Variants in ARHGAP31 observed in about 807,000 individuals in gnomAD.
The protein encoded by ARHGAP31 is Rho GTPase activating protein 31, also known as rho GTPase-activating protein 31.
Under a neutral mutation model 113.9 loss-of-function variants are expected in ARHGAP31, and 34 were observed. The ratio of observed to expected loss-of-function variants is 0.30; its 90% CI spans 0.23 to 0.40. The LOEUF is 0.40. Among genes scored for constraint, ARHGAP31 ranks in the 10% least tolerant of loss-of-function variants. The probability of loss-of-function intolerance (pLI) is 1.00; values close to 1 mark genes in which losing one functional copy is unlikely to be tolerated. For missense variants in ARHGAP31, 1,548 were observed against 1,767.1 expected, an observed-to-expected ratio of 0.88 and a Z score of 2.22; for synonymous variants, 650 against 684.8, an observed-to-expected ratio of 0.95 and a Z score of 0.79.
chr3:119,337,874 A>G (rs911966346), intron 1 of ARHGAP31, among the ~76,000 whole-genome samples: 2 of 152,176 alleles, frequency 1.3e-5, no homozygotes, highest in African/African-American at 4.8e-5. Context: ...CTAGACAGAA[A>G]AGTTCTCCAA....
intron 1 of ARHGAP31, among the ~76,000 whole-genome samples, chr3:119,313,331 AATTT>A (rs2079699143): frequency 2.6e-5 from 4 of 152,200 alleles, no homozygotes; most frequent in Admixed American, 6.5e-5. Flanking sequence ...TTTAAACCAT[AATTT>A]ATTTCACCAT....
Position 119,391,597 on chromosome 3 carries a change from CT to C in ARHGAP31, c.881+615del, listed in dbSNP as rs200430046. ...TTGCCACCTGGGTCTCTACCCCCCCCTCCCCCCCGCCGTCACTCATATCCCA... is the reference window on the plus strand; with the variant it reads ...TTGCCACCTGGGTCTCTACCCCCCCCCCCCCCCGCCGTCACTCATATCCCA... On this transcript the variant is annotated intron_variant, in intron 7 of 11. Coordinates refer to ENST00000264245, the MANE Select transcript of ARHGAP31 (RefSeq NM_020754.4). Among the ~76,000 whole-genome samples the C allele has an allele frequency of 7.9e-3, 748 of 94,800 alleles. 3 individuals carry two copies. The highest frequency in any genetic ancestry group is 0.035 in the African/African-American group (641 of 18,402). 62.2% of individuals were successfully genotyped at this position (94,800 alleles called of 152,430 possible).
chr3:119,311,007 A>C (rs2079675550), intron 1 of ARHGAP31, among the ~76,000 whole-genome samples: 1 of 152,214 alleles, frequency 6.6e-6, no homozygotes, highest in African/African-American at 2.4e-5. Flanking sequence ...CAAGGCAGAA[A>C]GTGGTCAATG....
intron 10 of ARHGAP31, 67 bp from the exon 11 acceptor site, chr3:119,409,429 C>G: frequency 6.3e-7 from 1 of 1,580,346 alleles, no homozygotes; most frequent in Non-Finnish European, 8.7e-7. Context: ...AGGACAGTGA[C>G]TGTGTTGGGA....
chr3:119,352,838 ACAGT>A (rs1311325905), intron 1 of ARHGAP31, among the ~76,000 whole-genome samples: 1 of 152,218 alleles, frequency 6.6e-6, no homozygotes, highest in African/African-American at 2.4e-5. Context: ...ATCTTCCCAG[ACAGT>A]CAGTAAAAAT....
intron 5 of ARHGAP31, among the ~76,000 whole-genome samples, chr3:119,382,756 T>C (rs2080413034): frequency 6.6e-6 from 1 of 152,194 alleles, no homozygotes; most frequent in African/African-American, 2.4e-5. Flanking sequence ...TCCATATGAT[T>C]TCATAAATAA....
intron 1 of ARHGAP31, among the ~76,000 whole-genome samples, chr3:119,364,771 T>C (rs1181706332): frequency 2.0e-5 from 3 of 152,196 alleles, no homozygotes; most frequent in Non-Finnish European, 4.4e-5. Context: ...AATCTAAGTT[T>C]TTGAATATTT....
chr3:119,320,048 G>A (rs1339641504), intron 1 of ARHGAP31, among the ~76,000 whole-genome samples: 1 of 152,178 alleles, frequency 6.6e-6, no homozygotes, highest in African/African-American at 2.4e-5. Context: ...ACCCCACAGA[G>A]AGTCCTAGAT....
intron 1 of ARHGAP31, chr3:119,322,872 G>C (rs2079804652): frequency 6.5e-6 from 1 of 153,242 alleles, no homozygotes; most frequent in African/African-American, 2.4e-5. Flanking sequence ...AACTCGGCCC[G>C]GCCGCGGGGG....
chr3:119,415,698 A>G lies in ARHGAP31; in HGVS notation c.3769A>G (p.Ser1257Gly). ...AGATGATTCTCCCTCCTCCCTGGAA[A>G]GCTCAAAGGAAGAAAAACCAAAGCA... ...AKDDSPSSLE[S>G]SKEEKPKQDP... Residue 1257 changes from serine (S) to glycine (G), a missense_variant, in exon 12 of 12, where the codon AGC (serine) becomes GGC (glycine). Coordinates refer to ENST00000264245, the MANE Select transcript of ARHGAP31 (RefSeq NM_020754.4). 6.2e-7 allele frequency: 1 copy of G among 1,614,066 alleles called. No individual in the cohort carries two copies.
At chr3:119,344,666 G>A (rs1007827346) in intron 1 of ARHGAP31, among the ~76,000 whole-genome samples, 1 of 152,056 alleles carries the variant, frequency 6.6e-6, no homozygotes, top group African/African-American at 2.4e-5. Flanking sequence ...GTTTTGTTCT[G>A]TTGCCCAGGC....
At chr3:119,358,029 C>T (rs927312437) in intron 1 of ARHGAP31, among the ~76,000 whole-genome samples, 66 of 152,262 alleles carry the variant, frequency 4.3e-4, no homozygotes, top group African/African-American at 1.6e-3. Flanking sequence ...TTGGACTTCA[C>T]TGAAATGTAA....
At chr3:119,309,503 C>A (rs2079660080) in intron 1 of ARHGAP31, among the ~76,000 whole-genome samples, 1 of 152,076 alleles carries the variant, frequency 6.6e-6, no homozygotes, top group Admixed American at 6.5e-5. Context: ...ACCTGTAATT[C>A]CAGCACTTTG....
chr3:119,353,979 A>G (rs1380398121), intron 1 of ARHGAP31, among the ~76,000 whole-genome samples: 1 of 152,180 alleles, frequency 6.6e-6, no homozygotes, highest in Non-Finnish European at 1.5e-5. Flanking sequence ...CAGCATTGAC[A>G]GCAGAGACCT....
chr3:119,392,347 C>T (rs1479133513), intron 7 of ARHGAP31, among the ~76,000 whole-genome samples: 2 of 152,110 alleles, frequency 1.3e-5, no homozygotes, highest in Non-Finnish European at 2.9e-5. Context: ...ACTCGGGAGG[C>T]CGAGGCAGGA....
At chr3:119,409,989 T>C (rs2080702040) in intron 11 of ARHGAP31, among the ~76,000 whole-genome samples, 1 of 152,232 alleles carries the variant, frequency 6.6e-6, no homozygotes, top group East Asian at 1.9e-4. Flanking sequence ...AAACATCCTG[T>C]TCAGATTCCC....
At chr3:119,360,287 G>A (rs886316979) in intron 1 of ARHGAP31, among the ~76,000 whole-genome samples, 5 of 152,198 alleles carry the variant, frequency 3.3e-5, no homozygotes, top group African/African-American at 1.2e-4. Flanking sequence ...TACTTTGAAG[G>A]TCAGGAATGC....
chr3:119,362,912 A>G (rs757443835), intron 1 of ARHGAP31, among the ~76,000 whole-genome samples: 1 of 152,194 alleles, frequency 6.6e-6, no homozygotes, highest in Non-Finnish European at 1.5e-5. Context: ...TATATTATAG[A>G]TAAGTTACAA....
At chr3:119,385,384 A>G (rs1313365844) in intron 6 of ARHGAP31, among the ~76,000 whole-genome samples, 3 of 151,970 alleles carry the variant, frequency 2.0e-5, no homozygotes, top group African/African-American at 7.3e-5. Context: ...GCTTTTTGTG[A>G]TTATGTATAA....
Sources: allele counts gnomAD v4.1 joint callset (sites outside exome capture counted in the v4.1 genomes callset), GRCh38; gene constraint gnomAD v4.1.1; transcripts MANE v1.5; gene names NCBI Gene and HGNC (gene_info 2026-07-23, HGNC 2026-07-21).